Variants in WNK1 observed in about 807,000 individuals in gnomAD.
WNK1 encodes the protein serine/threonine-protein kinase WNK1.
WNK1 carries 38 observed loss-of-function variants against 222.8 expected under a neutral mutation model. The observed-to-expected ratio is 0.17, with a 90% CI of 0.13 to 0.22. WNK1 has a LOEUF of 0.22. WNK1 is among the 10% of genes least tolerant of loss of function. WNK1 has a pLI of 1.00. For missense variants in WNK1, 2,348 were observed against 2,918.4 expected (o/e 0.80, Z 4.50); for synonymous variants, 1,090 against 1,092.9 (o/e 1.00, Z 0.05).
In WNK1 at chr12:911,397, C is replaced by T. The variant is rs1208470786; in HGVS notation, c.*2605C>T. On this transcript the variant is annotated 3_prime_UTR_variant, in exon 28 of 28. Coordinates refer to ENST00000315939, the MANE Select transcript of WNK1 (RefSeq NM_018979.4). ...TTGCGCTTTGTGCTTCAGTTTGTTA[C>T]CTTTGTAGACTTATTTAATGAAACC... 1 of 398,384 alleles carries T rather than the reference C, an allele frequency of 2.5e-6. No individual in the cohort carries two copies. Among genetic ancestry groups the T allele is most frequent in the East Asian group, 3.6e-5 (1 of 28,086 alleles). 24.7% of individuals were successfully genotyped at this position (398,384 alleles called of 1,614,324 possible). A position where few individuals can be genotyped will look rare whatever the true frequency, so the allele number is the denominator to read the frequency against.
chr12:812,932 G>A (rs901116187), intron 1 of WNK1, among the ~76,000 whole-genome samples: 3 of 152,086 alleles, frequency 2.0e-5, no homozygotes, highest in Non-Finnish European at 4.4e-5. Context: ...GAGTATTTAA[G>A]TTATTGCTTA....
intron 1 of WNK1, among the ~76,000 whole-genome samples, chr12:765,428 C>A (rs1233106473): frequency 2.7e-5 from 4 of 147,048 alleles, no homozygotes; most frequent in Non-Finnish European, 6.1e-5. Context: ...CATCTGTAAC[C>A]CCAGCTACTT....
intron 1 of WNK1, among the ~76,000 whole-genome samples, chr12:805,116 C>T (rs1444412062): frequency 6.6e-6 from 1 of 152,050 alleles, no homozygotes; most frequent in Non-Finnish European, 1.5e-5. Flanking sequence ...GGAGTGCCTG[C>T]TTTCAGTTTC....
chr12:890,610 T>TTGATAAC (rs1258816607), intron 22 of WNK1, 97 bp downstream of exon 22: 2 of 1,254,936 alleles, frequency 1.6e-6, no homozygotes, highest in Admixed American at 3.6e-5. Context: ...TTCCACGTAT[T>TTGATAAC]TGATAACTGA....
At chr12:826,960 T>G in intron 2 of WNK1, 82 bp from the exon 3 acceptor site, 1 of 1,107,086 alleles carries the variant, frequency 9.0e-7, no homozygotes, top group Non-Finnish European at 1.4e-6. Flanking sequence ...CCATCTCCAG[T>G]CATGTTAGAA....
At chr12:878,770 T>G (rs2154079442) in intron 10 of WNK1, among the ~76,000 whole-genome samples, 1 of 126,122 alleles carries the variant, frequency 7.9e-6, no homozygotes, top group South Asian at 2.7e-4. Flanking sequence ...TTCTGCACTG[T>G]TTACTGTGTG....
At position 764,666 on chromosome 12, in the gene WNK1, C is replaced by G. The variant is rs561771954; in HGVS notation, c.759+10342C>G. ...AAAAAAAAAAAAAAGAAAGAAAAAT[C>G]ATTAACATTCCCACTGAGAAACAGC... is the stretch of plus-strand genomic sequence containing the variant. On this transcript the variant is annotated intron_variant, in intron 1 of 27. Coordinates refer to ENST00000315939, the MANE Select transcript of WNK1 (RefSeq NM_018979.4). Among the ~76,000 whole-genome samples the G allele has an allele frequency of 4.6e-4, 58 of 126,936 alleles. 1 individual carries two copies. The highest frequency in any genetic ancestry group is 1.7e-3 in the Admixed American group (22 of 12,714). The allele number at this position is 126,936 out of a possible 152,430, so 83.3% of individuals were successfully genotyped here.
chr12:885,403 T>G lies in WNK1; in HGVS notation c.4599T>G (p.Ser1533=). The part of the protein sequence containing the change: ...VVSAHSLDKT[S]HSSTTGLAFS... ...GCGCACACTCACTAGATAAGACATC[T>G]CATAGCAGTACAACTGGATTGGCTT... is the stretch of plus-strand genomic sequence containing the variant. The change falls in exon 19 of 28, where the codon TCT becomes TCG. Residue 1533 remains serine, a synonymous_variant. Coordinates refer to ENST00000315939, the MANE Select transcript of WNK1 (RefSeq NM_018979.4). 2 of 1,613,706 alleles carry G rather than the reference T, an allele frequency of 1.2e-6. No homozygotes were observed. Among genetic ancestry groups the G allele is most frequent in the Non-Finnish European group, 1.7e-6 (2 of 1,180,036 alleles).
intron 22 of WNK1, 87 bp downstream of exon 22, chr12:890,600 T>A (rs1954129770): frequency 7.4e-7 from 1 of 1,349,362 alleles, no homozygotes; most frequent in South Asian, 1.2e-5. Context: ...AAAGACACAT[T>A]TCCACGTATT....
intron 1 of WNK1, among the ~76,000 whole-genome samples, chr12:801,765 A>G (rs1945899664): frequency 6.6e-6 from 1 of 152,156 alleles, no homozygotes; most frequent in Non-Finnish European, 1.5e-5. Flanking sequence ...TGAAAGCTCC[A>G]ATCATTACTA....
In WNK1 at chr12:869,813, CT is replaced by C. The variant is rs926387715; in HGVS notation, c.2140-1441del. ...AACTAACAATCTAGTGAGTGGTGGG[CT>C]TTTTTTTTTTGTTATAAGAATTTGT... is the stretch of plus-strand genomic sequence containing the variant. On this transcript the variant is annotated intron_variant, in intron 8 of 27. Coordinates refer to ENST00000315939, the MANE Select transcript of WNK1 (RefSeq NM_018979.4). 2.0e-3 allele frequency among the ~76,000 whole-genome samples: 289 copies of C among 142,394 alleles called. 1 individual carries two copies. Among genetic ancestry groups the C allele is most frequent in the East Asian group, 9.1e-3 (45 of 4,948 alleles). The allele number at this position is 142,394 out of a possible 152,430, so 93.4% of individuals were successfully genotyped here.
chr12:841,927 G>A (rs921471521), intron 4 of WNK1, among the ~76,000 whole-genome samples: 4 of 152,224 alleles, frequency 2.6e-5, no homozygotes, highest in East Asian at 1.9e-4. Flanking sequence ...CTCATTGGAC[G>A]TTAGATTTCA....
rs934275929 is a variant in WNK1, at chr12:878,784, T to C, written c.2373+423T>C. Among the ~76,000 whole-genome samples, 3 of 119,424 alleles carry C rather than the reference T, an allele frequency of 2.5e-5. 1 individual carries two copies. Among genetic ancestry groups the C allele is most frequent in the African/African-American group, 5.3e-5 (2 of 37,908 alleles). 78.3% of individuals were successfully genotyped at this position (119,424 alleles called of 152,430 possible). A position where few individuals can be genotyped will look rare whatever the true frequency, so the allele number is the denominator to read the frequency against. ...TTTCTGCACTGTTTACTGTGTGGAA[T>C]GTTTTTTTTTCTTAAGTAGTCCTCC... On this transcript the variant is annotated intron_variant, in intron 10 of 27. Transcript: ENST00000315939.
Position 851,477 on chromosome 12 carries a change from T to C in WNK1, c.1312-5684T>C. Reference sequence around the variant, plus strand: ...TATTAACAGAATAGTTTTCCTGCTGTTGGGCATGCAGTTTTGTCCATCTAG... The same window carrying C: ...TATTAACAGAATAGTTTTCCTGCTGCTGGGCATGCAGTTTTGTCCATCTAG... On this transcript the variant is annotated intron_variant, in intron 4 of 27. Transcript: ENST00000315939. The C allele has an allele frequency of 2.6e-6, 3 of 1,149,258 alleles. No homozygotes were observed. The South Asian group carries it at 5.7e-5, about 22-fold the overall frequency. 71.2% of individuals were successfully genotyped at this position (1,149,258 alleles called of 1,614,324 possible).
intron 9 of WNK1, among the ~76,000 whole-genome samples, chr12:875,913 A>G (rs774875687): frequency 3.3e-5 from 5 of 152,224 alleles, no homozygotes; most frequent in Non-Finnish European, 5.9e-5. Context: ...CACATTCCTT[A>G]AAGTTTAAAT....
rs989272058 is a variant in WNK1 at position 799,966 on chromosome 12, G to A, written c.760-13676G>A. On this transcript the variant is annotated intron_variant, in intron 1 of 27. Transcript: ENST00000315939. The stretch of plus-strand genomic sequence containing the variant: ...TCCCAAAGTGCTGGGATTACACCGC[G>A]CTTGTCCTACAAAAATTTTTAAAGA... Among the ~76,000 whole-genome samples, 7 of 152,088 alleles carry A rather than the reference G, an allele frequency of 4.6e-5. No homozygotes were observed. The South Asian group carries it at 6.2e-4, about 14-fold the overall frequency.
At chr12:790,655 TG>T (rs1294148469) in intron 1 of WNK1, among the ~76,000 whole-genome samples, 1 of 152,228 alleles carries the variant, frequency 6.6e-6, no homozygotes, top group Non-Finnish European at 1.5e-5. Context: ...CAACGTGCTC[TG>T]TGAGATTAAG....
rs201982828 is a variant in WNK1, at chr12:772,421, G to A, written c.759+18097G>A. ...ATAATTGGGGTGTGTGTGTGTGTGT[G>A]TGTATGTATGTGTGTGTGTGTATGT... On this transcript the variant is annotated intron_variant, in intron 1 of 27. Coordinates refer to ENST00000315939, the MANE Select transcript of WNK1 (RefSeq NM_018979.4). Among the ~76,000 whole-genome samples, 162 of 71,682 alleles carry A rather than the reference G, an allele frequency of 2.3e-3. 2 individuals carry two copies. The highest frequency in any genetic ancestry group is 0.021 in the South Asian group (42 of 2,044). The allele number at this position is 71,682 out of a possible 152,430, so 47.0% of individuals were successfully genotyped here. A position where few individuals can be genotyped will look rare whatever the true frequency, so the allele number is the denominator to read the frequency against.
In WNK1 at chr12:894,424, G is replaced by A. The variant is rs1270276568; in HGVS notation, c.5510-138G>A. On this transcript the variant is annotated intron_variant, in intron 22 of 27. Coordinates refer to ENST00000315939, the MANE Select transcript of WNK1 (RefSeq NM_018979.4). ...CCTGTTGGACAGAGCCTCATGGAGG[G>A]AGGAGATAAGGAAGTTCTCTTTGCC... 9 of 728,282 alleles carry A rather than the reference G, an allele frequency of 1.2e-5. No individual in the cohort carries two copies. The East Asian group carries it at 2.5e-4, about 20-fold the overall frequency. The allele number at this position is 728,282 out of a possible 1,614,324, so 45.1% of individuals were successfully genotyped here.
Sources: allele counts gnomAD v4.1 joint callset (sites outside exome capture counted in the v4.1 genomes callset), GRCh38; gene constraint gnomAD v4.1.1; transcripts MANE v1.5; gene names NCBI Gene and HGNC (gene_info 2026-07-23, HGNC 2026-07-21).